The following MYO9A variants were observed in gnomAD, a reference collection of about 807,000 sequenced individuals.
MYO9A encodes the protein myosin IXA.
In MYO9A, 103 loss-of-function variants were observed where a neutral mutation model predicts 293.3. The ratio of observed to expected loss-of-function variants is 0.35; its 90% CI spans 0.30 to 0.41. The LOEUF is 0.41. Ranked by LOEUF, MYO9A falls within the 10% of genes least tolerant of loss-of-function variation. The probability of loss-of-function intolerance (pLI) is 1.00; values close to 1 mark genes in which losing one functional copy is unlikely to be tolerated. For synonymous variants in MYO9A, 1,001 were observed against 1,035.7 expected, an observed-to-expected ratio of 0.97 and a Z score of 0.64; for missense variants, 2,685 against 3,033.0, an observed-to-expected ratio of 0.89 and a Z score of 2.69.
chr15:72,115,116 C>A (rs2080923983), intron 1 of MYO9A, among the ~76,000 whole-genome samples: 1 of 152,230 alleles, frequency 6.6e-6, no homozygotes. Flanking sequence ...GATAGTGAAT[C>A]TCACTGTTAA....
At chr15:71,967,949 G>T (rs1378258205) in intron 13 of MYO9A, 35 bp downstream of exon 13, 4 of 1,577,928 alleles carry the variant, frequency 2.5e-6, no homozygotes, top group Non-Finnish European at 3.4e-6. Context: ...ACACATCTCT[G>T]CCCTGTAAGC....
intron 1 of MYO9A, among the ~76,000 whole-genome samples, chr15:72,111,408 G>T (rs1266279053): frequency 6.7e-6 from 1 of 150,364 alleles, no homozygotes; most frequent in Non-Finnish European, 1.5e-5. Flanking sequence ...AGAATCACTT[G>T]AACCCAGGAG....
chr15:72,082,658 A>T (rs1395567667), intron 1 of MYO9A, among the ~76,000 whole-genome samples: 2 of 151,890 alleles, frequency 1.3e-5, no homozygotes, highest in African/African-American at 4.8e-5. Context: ...CCCATGCAGT[A>T]TGATGTTGGC....
intron 26 of MYO9A, chr15:71,889,945 G>A (rs966868531): frequency 5.3e-5 from 8 of 152,056 alleles, no homozygotes; most frequent in Non-Finnish European, 1.2e-4. Context: ...CTGTCTTAAG[G>A]CTGCCAATCC....
intron 14 of MYO9A, among the ~76,000 whole-genome samples, chr15:71,956,650 AATATATATATCTATATAT>A (rs2059202782): frequency 6.6e-6 from 1 of 150,412 alleles, no homozygotes; most frequent in Non-Finnish European, 1.5e-5. Flanking sequence ...CGTCTCAAAA[AATATATATATCTATATAT>A]ATCTATCTAT....
At chr15:72,106,481 G>GT (rs2080572436) in intron 1 of MYO9A, among the ~76,000 whole-genome samples, 1 of 152,138 alleles carries the variant, frequency 6.6e-6, no homozygotes, top group Non-Finnish European at 1.5e-5. Context: ...TCCAGCCTGG[G>GT]TGACAGAGCA....
At chr15:71,947,098 C>T (rs551058410) in intron 15 of MYO9A, among the ~76,000 whole-genome samples, 14 of 152,084 alleles carry the variant, frequency 9.2e-5, no homozygotes, top group Admixed American at 2.6e-4. Flanking sequence ...GTCTGGGTGA[C>T]AGAACGAGCT....
chr15:72,041,707 C>T (rs973171591), intron 2 of MYO9A: 1 of 183,752 alleles, frequency 5.4e-6, no homozygotes. Context: ...AGGCAAAGAG[C>T]TCCTTTCACC....
intron 14 of MYO9A, among the ~76,000 whole-genome samples, chr15:71,956,327 A>AT (rs1272707668): frequency 0.026 from 2,053 of 77,858 alleles, 11 homozygotes; most frequent in East Asian, 0.036. Flanking sequence ...AAAAAAAAAA[A>AT]AAAATATATA....
chr15:71,859,972 T>A (rs1246008962), intron 33 of MYO9A, among the ~76,000 whole-genome samples, 176 bp from the exon 34 acceptor site: 4 of 152,212 alleles, frequency 2.6e-5, no homozygotes, highest in Non-Finnish European at 5.9e-5. Context: ...CCCATTCTAT[T>A]GGGTATAATG....
At chr15:72,070,625 G>A (rs2079162490) in intron 1 of MYO9A, among the ~76,000 whole-genome samples, 1 of 152,056 alleles carries the variant, frequency 6.6e-6, no homozygotes, top group Non-Finnish European at 1.5e-5. Context: ...AGGAGGTGGA[G>A]GCTGCGGTGA....
At chr15:72,008,472 T>A (rs1201577726) in intron 7 of MYO9A, among the ~76,000 whole-genome samples, 1 of 148,286 alleles carries the variant, frequency 6.7e-6, no homozygotes, top group African/African-American at 2.5e-5. Flanking sequence ...TGTGTGTGTG[T>A]GTGAATGGGG....
chr15:72,109,295 CAGGAGAATGG>C (rs777979835), intron 1 of MYO9A, among the ~76,000 whole-genome samples: 242 of 151,360 alleles, frequency 1.6e-3, no homozygotes, highest in Non-Finnish European at 2.6e-3. Flanking sequence ...GAGGCTGAGG[CAGGAGAATGG>C]TGTGAACCCA....
At chr15:72,083,489 C>T (rs898720956) in intron 1 of MYO9A, among the ~76,000 whole-genome samples, 4 of 152,088 alleles carry the variant, frequency 2.6e-5, no homozygotes, top group South Asian at 2.1e-4. Flanking sequence ...AATGGTTTTT[C>T]GTGTCTCAAT....
chr15:71,854,450 C>T lies in MYO9A; in HGVS notation c.6273G>A (p.Leu2091=). Residue 2091 remains leucine, a synonymous_variant, in exon 35 of 42, where the codon CTG becomes CTA. Coordinates refer to ENST00000356056, the MANE Select transcript of MYO9A (RefSeq NM_006901.4). ...KLINYIEMHG[L]YTEGIYRKSG... ...ACTTTCGATAAATACCTTCTGTATA[C>T]AGTCCATGCATTTCAATGTAGTTTA... 1 of 1,613,272 alleles carries T rather than the reference C, an allele frequency of 6.2e-7. No homozygotes were observed. Among genetic ancestry groups the T allele is most frequent in the South Asian group, 1.1e-5 (1 of 90,828 alleles).
intron 26 of MYO9A, chr15:71,890,267 A>G (rs889891772): frequency 6.6e-6 from 1 of 152,186 alleles, no homozygotes; most frequent in African/African-American, 2.4e-5. Flanking sequence ...AAGAAGTGAC[A>G]GCAGTTTGGG....
chr15:71,950,174 G>A (rs1032544916), intron 15 of MYO9A: 2 of 151,890 alleles, frequency 1.3e-5, no homozygotes, highest in Non-Finnish European at 1.5e-5. Context: ...AATTTATAAC[G>A]TGATACCTTT....
At chr15:72,029,548 T>C (rs898252680) in intron 3 of MYO9A, among the ~76,000 whole-genome samples, 1 of 152,192 alleles carries the variant, frequency 6.6e-6, no homozygotes, top group African/African-American at 2.4e-5. Flanking sequence ...CCATAGTATA[T>C]GAGGTCCATC....
At chr15:71,954,062 A>G (rs2059123260) in intron 14 of MYO9A, among the ~76,000 whole-genome samples, 1 of 151,408 alleles carries the variant, frequency 6.6e-6, no homozygotes, top group African/African-American at 2.4e-5. Context: ...TGCCCAGCTA[A>G]TTTTTGTATT....
Sources: allele counts gnomAD v4.1 joint callset (sites outside exome capture counted in the v4.1 genomes callset), GRCh38; gene constraint gnomAD v4.1.1; transcripts MANE v1.5; gene names NCBI Gene and HGNC (gene_info 2026-07-23, HGNC 2026-07-21).